Variants in MRPS6 observed in about 807,000 individuals in gnomAD.
MRPS6 encodes the protein small ribosomal subunit protein bS6m.
A neutral mutation model predicts 13.1 loss-of-function variants in MRPS6; 6 were observed. That is an observed-to-expected ratio of 0.46 (90% CI 0.25 to 0.91). The LOEUF is 0.91. Ranked by LOEUF, MRPS6 falls within the 40% of genes least tolerant of loss-of-function variation. The pLI is 0.18. For synonymous variants in MRPS6, 61 were observed against 56.5 expected (o/e 1.08, Z -0.36); for missense variants, 164 against 155.6 (o/e 1.05, Z -0.29).
At chr21:34,111,647 A>G (rs549273803) in intron 1 of MRPS6, among the ~76,000 whole-genome samples, 37 of 152,276 alleles carry the variant, frequency 2.4e-4, no homozygotes, top group African/African-American at 8.2e-4. Context: ...TGTGGCCTCC[A>G]TGTTTCAGTA....
intron 1 of MRPS6, among the ~76,000 whole-genome samples, chr21:34,077,201 G>C (rs1989352983): frequency 6.6e-6 from 1 of 152,180 alleles, no homozygotes; most frequent in Non-Finnish European, 1.5e-5. Flanking sequence ...TTTCAGTTAG[G>C]TAAAAGACTG....
At chr21:34,101,837 G>A (rs140942682) in intron 1 of MRPS6, 2 of 997,904 alleles carry the variant, frequency 2.0e-6, no homozygotes, top group African/African-American at 1.7e-5. Context: ...AATAATAAAA[G>A]CACTGTTTTA....
At position 34,100,567 on chromosome 21, in the gene MRPS6, A is replaced by AG. The variant is rs1979190429; in HGVS notation, c.46-24773dup. 5 of 1,000,288 alleles carry AG rather than the reference A, an allele frequency of 5.0e-6. No individual in the cohort carries two copies. The South Asian group carries it at 2.3e-4, about 47-fold the overall frequency. 62.0% of individuals were successfully genotyped at this position (1,000,288 alleles called of 1,614,324 possible). A position where few individuals can be genotyped will look rare whatever the true frequency, so the allele number is the denominator to read the frequency against. ...GGATCCATTGTATTTTGGCACAAAG[A>AG]GCCTGGCCAGGGTCATGTAGCCATA... On this transcript the variant is annotated intron_variant, in intron 1 of 2. Transcript: ENST00000399312.
At chr21:34,103,691 A>G (rs1255451754) in intron 1 of MRPS6, 4 of 1,000,060 alleles carry the variant, frequency 4.0e-6, no homozygotes, top group East Asian at 1.1e-4. Context: ...CAGAGTTGCT[A>G]TGAGCACTAC....
intron 1 of MRPS6, among the ~76,000 whole-genome samples, chr21:34,108,913 A>G (rs1166151812): frequency 6.6e-6 from 1 of 152,050 alleles, no homozygotes; most frequent in African/African-American, 2.4e-5. Flanking sequence ...CCGTGCTGGG[A>G]CTGTGATTCT....
chr21:34,119,231 A>T (rs542786744), intron 1 of MRPS6, among the ~76,000 whole-genome samples: 25 of 152,320 alleles, frequency 1.6e-4, no homozygotes, highest in Non-Finnish European at 3.7e-4. Context: ...TTATGTCATT[A>T]GGCAAGGCTG....
chr21:34,079,604 T>TTTC (rs1989414635), intron 1 of MRPS6, among the ~76,000 whole-genome samples: 1 of 5,816 alleles, frequency 1.7e-4, no homozygotes, highest in African/African-American at 2.5e-4. Context: ...CCCAGCTAAT[T>TTTC]TTTTTTTTTT....
rs763147314 is a variant in MRPS6 at position 34,125,149 on chromosome 21, A to G, written c.46-192A>G. 3.5e-6 allele frequency: 3 copies of G among 848,698 alleles called. No individual in the cohort carries two copies. In the African/African-American group the frequency reaches 5.2e-5, roughly 15 times the overall value. 52.6% of individuals were successfully genotyped at this position (848,698 alleles called of 1,614,324 possible). A position where few individuals can be genotyped will look rare whatever the true frequency, so the allele number is the denominator to read the frequency against. On this transcript the variant is annotated intron_variant, in intron 1 of 2. Transcript: ENST00000399312. ...CAGATATTCCTCGTATCTGTGAGCT[A>G]TCTCATATCCTTACAATAAATTCTC...
chr21:34,102,295 TTC>T, intron 1 of MRPS6: 2 of 999,164 alleles, frequency 2.0e-6, no homozygotes, highest in Non-Finnish European at 2.4e-6. Context: ...TTATTTAAAC[TTC>T]TCTCTCTTCA....
intron 1 of MRPS6, among the ~76,000 whole-genome samples, chr21:34,113,987 G>C (rs1274960761): frequency 6.6e-6 from 1 of 152,140 alleles, no homozygotes; most frequent in Admixed American, 6.6e-5. Context: ...CAATAAGGCA[G>C]GTGGCTCAGT....
intron 2 of MRPS6, among the ~76,000 whole-genome samples, chr21:34,128,551 A>G (rs932726758): frequency 5.9e-5 from 9 of 152,230 alleles, no homozygotes; most frequent in Non-Finnish European, 1.0e-4. Flanking sequence ...TATGCCAAAA[A>G]TAAAAATATA....
intron 1 of MRPS6, among the ~76,000 whole-genome samples, chr21:34,086,279 C>T (rs1208246813): frequency 6.6e-6 from 1 of 152,080 alleles, no homozygotes; most frequent in Non-Finnish European, 1.5e-5. Context: ...TCAAGAGGGA[C>T]ACATGTCTGC....
rs529756790 is a variant in MRPS6, at chr21:34,111,999, C to CT, written c.46-13340dup. Among the ~76,000 whole-genome samples, 198 of 152,182 alleles carry CT rather than the reference C, an allele frequency of 1.3e-3. 1 individual carries two copies. The highest frequency in any genetic ancestry group is 4.6e-3 in the African/African-American group (190 of 41,542). Reference sequence around the variant, plus strand: ...CTTAGATGTTGTTTCTGTCTTTTGTCTTATTTCTAGTTCTTTTACTCTGCA... The same window carrying CT: ...CTTAGATGTTGTTTCTGTCTTTTGTCTTTATTTCTAGTTCTTTTACTCTGCA... On this transcript the variant is annotated intron_variant, in intron 1 of 2. Coordinates refer to ENST00000399312, the MANE Select transcript of MRPS6 (RefSeq NM_032476.4).
At chr21:34,140,723 T>C (rs1234235928) in intron 2 of MRPS6, among the ~76,000 whole-genome samples, 2 of 152,250 alleles carry the variant, frequency 1.3e-5, no homozygotes, top group African/African-American at 2.4e-5. Flanking sequence ...TGTTCTTATA[T>C]GTTGAAGCTC....
Position 34,104,223 on chromosome 21 carries a change from G to A in MRPS6, c.46-21118G>A, listed in dbSNP as rs115543543. The A allele has an allele frequency of 4.6e-4, 456 of 999,984 alleles. 1 individual carries two copies. The African/African-American group carries it at 7.3e-3, about 16-fold the overall frequency. The allele number at this position is 999,984 out of a possible 1,614,324, so 61.9% of individuals were successfully genotyped here. On this transcript the variant is annotated intron_variant, in intron 1 of 2. Transcript: ENST00000399312. ...TAATTCTGAAGCATATTTGCTAGAG[G>A]AGCTACTTTGCTTTTCACAATGGGG... is the stretch of plus-strand genomic sequence containing the variant.
chr21:34,094,490 G>A (rs958237728), intron 1 of MRPS6, among the ~76,000 whole-genome samples: 3 of 152,052 alleles, frequency 2.0e-5, no homozygotes, highest in Admixed American at 6.5e-5. Flanking sequence ...CCCTTATTAC[G>A]AATATAATTA....
At chr21:34,089,795 A>G (rs893306716) in intron 1 of MRPS6, among the ~76,000 whole-genome samples, 3 of 152,206 alleles carry the variant, frequency 2.0e-5, no homozygotes, top group Non-Finnish European at 4.4e-5. Context: ...TTTGAGTCCA[A>G]TCAGGGTTTT....
chr21:34,125,390 G>A lies in MRPS6; in HGVS notation c.95G>A (p.Arg32Lys). The A allele has an allele frequency of 6.2e-7, 1 of 1,614,032 alleles. No homozygotes were observed. The highest frequency in any genetic ancestry group is 1.3e-5 in the African/African-American group (1 of 75,028). ...CGTACGATAGAGGCCCTGATGGACA[G>A]AGGAGCAATAGTGAGGGACTTGGAA... ...LKRTIEALMDRGAIVRDLENL... is the reference protein window; with the variant it reads ...LKRTIEALMDKGAIVRDLENL... The change falls in exon 2 of 3, where the codon AGA becomes AAA. Residue 32 changes from arginine (R) to lysine (K), a missense_variant. Arg to Lys is a conservative substitution (Grantham distance 26). Coordinates refer to ENST00000399312, the MANE Select transcript of MRPS6 (RefSeq NM_032476.4).
At chr21:34,103,321 A>G (rs1979330248) in intron 1 of MRPS6, 1 of 998,696 alleles carries the variant, frequency 1.0e-6, no homozygotes, top group Admixed American at 6.2e-5. Context: ...GAAGTAAAAA[A>G]AAAAAAAAAA....
Sources: gnomAD v4.1 joint callset for allele counts (sites outside exome capture counted in the v4.1 genomes callset) on GRCh38, gnomAD v4.1.1 for gene constraint, MANE v1.5 for transcripts, NCBI Gene and HGNC (gene_info 2026-07-23, HGNC 2026-07-21) for gene names.